SSH2: variants seen among roughly 807,000 people sequenced by gnomAD.
SSH2 encodes the protein slingshot protein phosphatase 2.
SSH2 carries 37 observed loss-of-function variants against 135.2 expected under a neutral mutation model. The observed-to-expected ratio is 0.27, with a 90% confidence interval of 0.21 to 0.36. SSH2 has a LOEUF of 0.36. SSH2 is among the 10% of genes least tolerant of loss of function. The pLI is 1.00. For synonymous variants in SSH2, 628 were observed against 646.2 expected (o/e 0.97, Z 0.43); for missense variants, 1,408 against 1,765.3 (o/e 0.80, Z 3.63).
intron 3 of SSH2, among the ~76,000 whole-genome samples, chr17:29,725,347 C>CA (rs11449000): frequency 0.47 from 24,346 of 52,202 alleles, 6,003 homozygotes; most frequent in Middle Eastern, 0.72. Context: ...AATCAGTCTC[C>CA]AAAAAAAAAA....
intron 3 of SSH2, among the ~76,000 whole-genome samples, chr17:29,705,940 G>A (rs1192017793): frequency 6.6e-6 from 1 of 152,026 alleles, no homozygotes; most frequent in Non-Finnish European, 1.5e-5. Context: ...ACCTGTTGTG[G>A]TTACCTTCCT....
intron 2 of SSH2, among the ~76,000 whole-genome samples, chr17:29,815,630 T>C (rs1252963814): frequency 1.3e-5 from 2 of 152,182 alleles, no homozygotes; most frequent in African/African-American, 4.8e-5. Flanking sequence ...CTAACCAACG[T>C]TTTAAGAGAG....
intron 3 of SSH2, among the ~76,000 whole-genome samples, chr17:29,727,166 G>T (rs1325620308): frequency 1.3e-5 from 2 of 152,150 alleles, no homozygotes; most frequent in Non-Finnish European, 2.9e-5. Flanking sequence ...ATGGGCTCTA[G>T]TCAAATGAAC....
At chr17:29,719,389 G>A (rs992653631) in intron 3 of SSH2, among the ~76,000 whole-genome samples, 2 of 152,026 alleles carry the variant, frequency 1.3e-5, no homozygotes, top group African/African-American at 4.8e-5. Context: ...GCTCACGCCT[G>A]TAATCCCAGC....
At chr17:29,921,771 C>T (rs2151486675) in intron 1 of SSH2, among the ~76,000 whole-genome samples, 1 of 152,148 alleles carries the variant, frequency 6.6e-6, no homozygotes, top group African/African-American at 2.4e-5. Context: ...TGGTCTCAAA[C>T]TCCCGACCTC....
At chr17:29,915,195 C>G (rs937388407) in intron 1 of SSH2, among the ~76,000 whole-genome samples, 5 of 152,122 alleles carry the variant, frequency 3.3e-5, no homozygotes, top group Admixed American at 6.6e-5. Flanking sequence ...AATCTTAAAG[C>G]AACCAAAGCT....
chr17:29,662,802 G>A (rs1166037306), intron 11 of SSH2, among the ~76,000 whole-genome samples: 1 of 152,020 alleles, frequency 6.6e-6, no homozygotes, highest in Non-Finnish European at 1.5e-5. Context: ...TTTATGAAAA[G>A]GAAACACTTT....
intron 8 of SSH2, among the ~76,000 whole-genome samples, chr17:29,673,332 G>A (rs571334738): frequency 1.4e-4 from 21 of 152,216 alleles, no homozygotes; most frequent in Admixed American, 5.2e-4. Context: ...CACTTTGGGA[G>A]GCCAAGGTGG....
intron 3 of SSH2, among the ~76,000 whole-genome samples, chr17:29,721,116 AAG>A (rs1264193675): frequency 6.6e-6 from 1 of 152,224 alleles, no homozygotes; most frequent in Non-Finnish European, 1.5e-5. Context: ...GCTGGGGACA[AAG>A]AGATCACACA....
At chr17:29,865,187 T>A (rs1885125867) in intron 1 of SSH2, among the ~76,000 whole-genome samples, 1 of 152,174 alleles carries the variant, frequency 6.6e-6, no homozygotes, top group African/African-American at 2.4e-5. Flanking sequence ...AAAAACAGAC[T>A]TAATATTCTA....
At chr17:29,664,172 G>A (rs2037173954) in intron 11 of SSH2, among the ~76,000 whole-genome samples, 1 of 152,152 alleles carries the variant, frequency 6.6e-6, no homozygotes, top group Non-Finnish European at 1.5e-5. Flanking sequence ...AGGAGTTCAA[G>A]GCCAGTCTGG....
intron 1 of SSH2, among the ~76,000 whole-genome samples, chr17:29,906,448 C>T (rs1345672847): frequency 6.6e-6 from 1 of 152,132 alleles, no homozygotes; most frequent in African/African-American, 2.4e-5. Flanking sequence ...AGGATATAGG[C>T]ATGGACAAAG....
At chr17:29,646,794 G>C (rs1179223331) in intron 14 of SSH2, among the ~76,000 whole-genome samples, 2 of 151,568 alleles carry the variant, frequency 1.3e-5, no homozygotes, top group Non-Finnish European at 2.9e-5. Flanking sequence ...CACCACGCCC[G>C]GCCAAAATAT....
intron 5 of SSH2, 118 bp from the exon 6 acceptor site, chr17:29,684,802 T>G: frequency 3.5e-6 from 3 of 864,832 alleles, no homozygotes; most frequent in Non-Finnish European, 5.1e-6. Context: ...AGCCAGTAGT[T>G]AGGAGACATA....
At chr17:29,670,170 C>A (rs1276407152) in intron 9 of SSH2, among the ~76,000 whole-genome samples, 1 of 152,104 alleles carries the variant, frequency 6.6e-6, no homozygotes, top group African/African-American at 2.4e-5. Flanking sequence ...GCATGAGCCA[C>A]CACCCACCAC....
intron 1 of SSH2, among the ~76,000 whole-genome samples, chr17:29,899,148 T>G (rs1023046409): frequency 6.6e-6 from 1 of 151,948 alleles, no homozygotes; most frequent in African/African-American, 2.4e-5. Context: ...AAGAGCTATC[T>G]ATGACAAACC....
At chr17:29,811,632 G>C (rs995401714) in intron 2 of SSH2, among the ~76,000 whole-genome samples, 13 of 151,436 alleles carry the variant, frequency 8.6e-5, no homozygotes, top group Non-Finnish European at 1.5e-4. Context: ...GCACTGTTGC[G>C]ATCATACCTT....
intron 3 of SSH2, among the ~76,000 whole-genome samples, chr17:29,721,103 G>T (rs2039808337): frequency 6.6e-6 from 1 of 152,134 alleles, no homozygotes; most frequent in South Asian, 2.1e-4. Context: ...CAGCTCTTGG[G>T]GAGCTGGGGA....
At chr17:29,646,772 A>G (rs1346293425) in intron 14 of SSH2, among the ~76,000 whole-genome samples, 1 of 151,950 alleles carries the variant, frequency 6.6e-6, no homozygotes. Context: ...TGCTGGGATT[A>G]TAGGTGTGAG....
Sources: gnomAD v4.1 joint callset for allele counts (sites outside exome capture counted in the v4.1 genomes callset) on GRCh38, gnomAD v4.1.1 for gene constraint, MANE v1.5 for transcripts, NCBI Gene and HGNC (gene_info 2026-07-23, HGNC 2026-07-21) for gene names.